NOS1AP: variants seen among roughly 807,000 people sequenced by gnomAD.
NOS1AP encodes the protein carboxyl-terminal PDZ ligand of neuronal nitric oxide synthase protein.
A neutral mutation model predicts 56.2 loss-of-function variants in NOS1AP; 21 were observed. The observed-to-expected ratio is 0.37, with a 90% confidence interval of 0.26 to 0.54. The LOEUF (loss-of-function observed/expected upper bound fraction) is 0.54, where lower values mean the gene tolerates loss of function less well. Among genes scored for constraint, NOS1AP ranks in the 20% least tolerant of loss-of-function variants. The pLI is 0.84. For missense variants in NOS1AP, 522 were observed against 657.8 expected (o/e 0.79, Z 2.26); for synonymous variants, 270 against 274.6 (o/e 0.98, Z 0.17).
At chr1:162,316,210 A>G (rs1656223783) in intron 4 of NOS1AP, among the ~76,000 whole-genome samples, 1 of 152,216 alleles carries the variant, frequency 6.6e-6, no homozygotes, top group African/African-American at 2.4e-5. Flanking sequence ...GTGGCAAAAA[A>G]TGTTAACATT....
intron 1 of NOS1AP, among the ~76,000 whole-genome samples, chr1:162,122,775 G>A (rs571666013): frequency 6.6e-6 from 1 of 151,976 alleles, no homozygotes; most frequent in African/African-American, 2.4e-5. Context: ...AAAGTGTTGG[G>A]GTTACAGGCA....
At chr1:162,345,026 C>T (rs913466192) in intron 6 of NOS1AP, among the ~76,000 whole-genome samples, 2 of 151,816 alleles carry the variant, frequency 1.3e-5, no homozygotes, top group Non-Finnish European at 2.9e-5. Context: ...TGTTTGTTAC[C>T]TACGAAAAAA....
At chr1:162,153,033 C>T (rs572386115) in intron 1 of NOS1AP, among the ~76,000 whole-genome samples, 1 of 152,108 alleles carries the variant, frequency 6.6e-6, no homozygotes, top group Non-Finnish European at 1.5e-5. Context: ...TATATGAAGG[C>T]GCTCATGTCA....
At chr1:162,238,893 C>T (rs1333799966) in intron 2 of NOS1AP, among the ~76,000 whole-genome samples, 1 of 152,202 alleles carries the variant, frequency 6.6e-6, no homozygotes, top group Admixed American at 6.5e-5. Context: ...TCTCTAAGTT[C>T]TTAATCCACT....
intron 1 of NOS1AP, among the ~76,000 whole-genome samples, chr1:162,137,139 G>C (rs1649038104): frequency 6.6e-6 from 1 of 152,124 alleles, no homozygotes; most frequent in Non-Finnish European, 1.5e-5. Flanking sequence ...TGTCTTTGAT[G>C]GACCCCCCTG....
intron 4 of NOS1AP, among the ~76,000 whole-genome samples, chr1:162,306,977 AT>A (rs1316851563): frequency 6.8e-6 from 1 of 148,068 alleles, no homozygotes; most frequent in African/African-American, 2.5e-5. Flanking sequence ...AAAAAAAAAA[AT>A]AGTTTCATCC....
chr1:162,346,937 A>G (rs1657314682), intron 6 of NOS1AP, among the ~76,000 whole-genome samples: 1 of 152,216 alleles, frequency 6.6e-6, no homozygotes, highest in Admixed American at 6.5e-5. Context: ...AGGCCGTAGT[A>G]CTAATGTGAT....
chr1:162,180,344 A>ACGC (rs1172645163), intron 2 of NOS1AP, among the ~76,000 whole-genome samples: 2 of 152,050 alleles, frequency 1.3e-5, no homozygotes, highest in Admixed American at 6.6e-5. Flanking sequence ...TCCCGGGTTC[A>ACGC]CGCCGTTCTT....
intron 4 of NOS1AP, among the ~76,000 whole-genome samples, chr1:162,316,661 T>C (rs1326423666): frequency 6.6e-6 from 1 of 152,142 alleles, no homozygotes; most frequent in Non-Finnish European, 1.5e-5. Context: ...TTATCATTAG[T>C]TCTTAGAGGT....
chr1:162,338,344 C>T (rs1345783128), intron 5 of NOS1AP, among the ~76,000 whole-genome samples: 1 of 152,132 alleles, frequency 6.6e-6, no homozygotes, highest in Non-Finnish European at 1.5e-5. Context: ...CCATTATTCT[C>T]TTTTCTCCTC....
chr1:162,178,241 A>T (rs1249799843), intron 2 of NOS1AP, among the ~76,000 whole-genome samples: 1 of 152,114 alleles, frequency 6.6e-6, no homozygotes, highest in Admixed American at 6.5e-5. Context: ...TGATTTATTC[A>T]TTCACCTACT....
chr1:162,110,713 A>G (rs1159884322), intron 1 of NOS1AP, among the ~76,000 whole-genome samples: 1 of 152,262 alleles, frequency 6.6e-6, no homozygotes, highest in East Asian at 1.9e-4. Flanking sequence ...TCACTGTGTG[A>G]CAGGCATGTT....
chr1:162,287,916 A>G (rs2101738368), intron 3 of NOS1AP, among the ~76,000 whole-genome samples: 1 of 152,210 alleles, frequency 6.6e-6, no homozygotes, highest in Admixed American at 6.5e-5. Flanking sequence ...GTTGCAGCCT[A>G]TATTTACATC....
intron 2 of NOS1AP, among the ~76,000 whole-genome samples, chr1:162,269,974 G>A (rs1034114348): frequency 6.6e-6 from 1 of 151,988 alleles, no homozygotes; most frequent in African/African-American, 2.4e-5. Context: ...AAATTACATG[G>A]GCCCATCAGT....
At chr1:162,195,202 A>G (rs1396346504) in intron 2 of NOS1AP, among the ~76,000 whole-genome samples, 1 of 152,216 alleles carries the variant, frequency 6.6e-6, no homozygotes, top group Non-Finnish European at 1.5e-5. Flanking sequence ...TAGATATTCA[A>G]TAAATGGAAG....
At chr1:162,086,102 G>A (rs1348974575) in intron 1 of NOS1AP, among the ~76,000 whole-genome samples, 1 of 152,136 alleles carries the variant, frequency 6.6e-6, no homozygotes, top group Non-Finnish European at 1.5e-5. Flanking sequence ...GTGCTGCTGC[G>A]ATGGGGCAGA....
At chr1:162,337,273 T>C (rs1054154743) in intron 5 of NOS1AP, among the ~76,000 whole-genome samples, 1 of 152,216 alleles carries the variant, frequency 6.6e-6, no homozygotes, top group Non-Finnish European at 1.5e-5. Flanking sequence ...CAATCACAGC[T>C]CGATTGGTTT....
At chr1:162,286,756 C>T (rs116062328) in intron 2 of NOS1AP, among the ~76,000 whole-genome samples, 1,818 of 152,256 alleles carry the variant, frequency 0.012, 15 homozygotes, top group Non-Finnish European at 0.019. Context: ...TAAAACTTAA[C>T]AAATACATGG....
At chr1:162,235,363 TGAA>T (rs973427455) in intron 2 of NOS1AP, among the ~76,000 whole-genome samples, 15 of 152,222 alleles carry the variant, frequency 9.9e-5, no homozygotes, top group African/African-American at 2.9e-4. Context: ...CTTGCCTAAG[TGAA>T]GAAGACTTCC....
Sources: allele counts gnomAD v4.1 joint callset (sites outside exome capture counted in the v4.1 genomes callset), GRCh38; gene constraint gnomAD v4.1.1; transcripts MANE v1.5; gene names NCBI Gene and HGNC (gene_info 2026-07-23, HGNC 2026-07-21).